The following FAM227A variants were observed in gnomAD, a reference collection of about 807,000 sequenced individuals.
FAM227A encodes protein FAM227A.
In FAM227A, 80 loss-of-function variants were observed where a neutral mutation model predicts 74.7. The observed-to-expected ratio is 1.07, with a 90% confidence interval of 0.89 to 1.29. The LOEUF (loss-of-function observed/expected upper bound fraction) is 1.29, where lower values mean the gene tolerates loss of function less well. Ranked by LOEUF, FAM227A falls within the 50% of genes most tolerant of loss-of-function variation. The pLI is 0.00. For synonymous variants in FAM227A, 237 were observed against 241.8 expected (o/e 0.98, Z 0.19); for missense variants, 654 against 683.4 (o/e 0.96, Z 0.48).
intron 11 of FAM227A, among the ~76,000 whole-genome samples, chr22:38,609,281 C>T (rs917455983): frequency 3.9e-5 from 6 of 152,142 alleles, no homozygotes; most frequent in Admixed American, 2.6e-4. Flanking sequence ...CCACACGTAG[C>T]GGTAGGGGAG....
chr22:38,623,660 G>C (rs981299671), intron 9 of FAM227A, among the ~76,000 whole-genome samples: 4 of 152,176 alleles, frequency 2.6e-5, no homozygotes, highest in Non-Finnish European at 5.9e-5. Context: ...AGGTGTGTGA[G>C]TCCCTGACAT....
chr22:38,647,265 G>A (rs2092256447), intron 2 of FAM227A, among the ~76,000 whole-genome samples: 1 of 152,106 alleles, frequency 6.6e-6, no homozygotes, highest in African/African-American at 2.4e-5. Context: ...AGGAGTTCGA[G>A]ACTAGCCTGG....
Position 38,623,265 on chromosome 22 carries a change from G to A in FAM227A, c.865C>T (p.Pro289Ser). The change falls in exon 10 of 17, where the codon CCA becomes TCA. Residue 289 changes from proline (P) to serine (S), a missense_variant. Physicochemically the swap from Pro to Ser is moderately conservative, Grantham distance 74. Coordinates refer to ENST00000535113, the MANE Select transcript of FAM227A (RefSeq NM_001013647.2). Reference sequence around the variant, plus strand: ...TAGTCCCAGCTGTCATAGCTCTGTGGGCTAGGATAGGTGCCTAAGGGAGGA... The same window carrying A: ...TAGTCCCAGCTGTCATAGCTCTGTGAGCTAGGATAGGTGCCTAAGGGAGGA... ...SLWISGTYPS[P>S]QSYDSWDYSE... 9.7e-6 allele frequency: 15 copies of A among 1,551,124 alleles called. No homozygotes were observed. Among genetic ancestry groups the A allele is most frequent in the Non-Finnish European group, 1.3e-5 (15 of 1,146,516 alleles).
At chr22:38,589,202 C>T (rs1398347477) in intron 16 of FAM227A, among the ~76,000 whole-genome samples, 2 of 152,058 alleles carry the variant, frequency 1.3e-5, no homozygotes, top group Non-Finnish European at 2.9e-5. Context: ...CCTCTACAAG[C>T]CAAGGACAGC....
rs1165890437 is a variant in FAM227A at position 38,646,248 on chromosome 22, C to CTT, written c.143-605_143-604dup. ...CTTGGGAATTTTCCTTCCAGTATTT[C>CTT]TTTTTTTTTTTTTTTTTTTTTTTTT... On this transcript the variant is annotated intron_variant, in intron 2 of 16. Transcript: ENST00000535113. Among the ~76,000 whole-genome samples the CTT allele has an allele frequency of 1.8e-3, 146 of 82,396 alleles. 9 individuals carry two copies. The highest frequency in any genetic ancestry group is 2.8e-3 in the African/African-American group (53 of 19,026). The allele number at this position is 82,396 out of a possible 152,430, so 54.1% of individuals were successfully genotyped here.
intron 1 of FAM227A, among the ~76,000 whole-genome samples, chr22:38,652,224 A>C (rs889263896): frequency 1.3e-5 from 2 of 152,000 alleles, no homozygotes; most frequent in Non-Finnish European, 2.9e-5. Flanking sequence ...GATGCTTCTC[A>C]GAAGAGGCGA....
At position 38,620,550 on chromosome 22, in the gene FAM227A, TC is replaced by T. The variant is rs2091666178; in HGVS notation, c.959-260del. On this transcript the variant is annotated intron_variant, in intron 10 of 16. Coordinates refer to ENST00000535113, the MANE Select transcript of FAM227A (RefSeq NM_001013647.2). Reference sequence around the variant, plus strand: ...CCGGCGCGGTGGCTCACGCCTGTAATCCCAGCACTTTGGGAGGCCGAGGCGG... The same window carrying T: ...CCGGCGCGGTGGCTCACGCCTGTAATCCAGCACTTTGGGAGGCCGAGGCGG... Among the ~76,000 whole-genome samples, 3 of 152,150 alleles carry T rather than the reference TC, an allele frequency of 2.0e-5. No individual in the cohort carries two copies. In the South Asian group the frequency reaches 6.2e-4, roughly 32 times the overall value.
intron 8 of FAM227A, among the ~76,000 whole-genome samples, chr22:38,626,913 T>TATATATATATATATATAC (rs34078214): frequency 1.6e-4 from 14 of 89,826 alleles, no homozygotes; most frequent in Non-Finnish European, 3.0e-4. Context: ...TATATATATA[T>TATATATATATATATATAC]ACACGTATAT....
chr22:38,647,484 AAT>A (rs1416725564), intron 2 of FAM227A, among the ~76,000 whole-genome samples: 3 of 152,112 alleles, frequency 2.0e-5, no homozygotes, highest in African/African-American at 7.2e-5. Flanking sequence ...AAAAAAGAAA[AAT>A]AAATAATGCT....
intron 11 of FAM227A, among the ~76,000 whole-genome samples, chr22:38,614,192 T>C (rs2091527884): frequency 6.6e-6 from 1 of 152,190 alleles, no homozygotes; most frequent in Non-Finnish European, 1.5e-5. Context: ...AGAGTTGAGC[T>C]ACTGTGCAAA....
At chr22:38,647,299 T>C (rs1431288112) in intron 2 of FAM227A, among the ~76,000 whole-genome samples, 1 of 151,974 alleles carries the variant, frequency 6.6e-6, no homozygotes, top group Non-Finnish European at 1.5e-5. Context: ...ATCCCGTCTC[T>C]ACTAAAAATA....
chr22:38,607,176 CAAAAAAAA>C (rs528873313), intron 12 of FAM227A, among the ~76,000 whole-genome samples: 1 of 55,678 alleles, frequency 1.8e-5, no homozygotes, highest in African/African-American at 6.0e-5. Context: ...GACTTCATCT[CAAAAAAAA>C]AAAAAAAAAA....
rs1016106624 is a variant in FAM227A at position 38,630,088 on chromosome 22, G to A, written c.520-1153C>T. On this transcript the variant is annotated intron_variant, in intron 6 of 16. Transcript: ENST00000535113. The stretch of plus-strand genomic sequence containing the variant: ...TGCCTCTCCTTTACCATCAGGAAGC[G>A]TGCCTCTTCTTTAACCATCACTCAC... Among the ~76,000 whole-genome samples the A allele has an allele frequency of 3.0e-5, 4 of 135,190 alleles. No homozygotes were observed. The Admixed American group carries it at 3.1e-4, about 10-fold the overall frequency. 88.7% of individuals were successfully genotyped at this position (135,190 alleles called of 152,430 possible).
At chr22:38,610,691 A>T (rs2091394303) in intron 11 of FAM227A, among the ~76,000 whole-genome samples, 1 of 152,192 alleles carries the variant, frequency 6.6e-6, no homozygotes, top group Non-Finnish European at 1.5e-5. Flanking sequence ...GCGAAACTGC[A>T]TCTCAAAAAT....
chr22:38,603,349 G>T (rs968311403), intron 13 of FAM227A, among the ~76,000 whole-genome samples: 1 of 151,984 alleles, frequency 6.6e-6, no homozygotes, highest in Non-Finnish European at 1.5e-5. Flanking sequence ...TTAGCTGGGC[G>T]TGGTGGCACA....
chr22:38,631,259 C>T (rs1373487707), intron 6 of FAM227A, among the ~76,000 whole-genome samples: 1 of 147,924 alleles, frequency 6.8e-6, no homozygotes, highest in Non-Finnish European at 1.5e-5. Flanking sequence ...GAGCTGGAGG[C>T]ACTATCCTAA....
intron 7 of FAM227A, 131 bp downstream of exon 7, chr22:38,628,703 T>C: frequency 1.5e-6 from 1 of 683,568 alleles, no homozygotes; most frequent in Non-Finnish European, 2.6e-6. Context: ...GGGAGGGGAC[T>C]GGGTGACAGG....
chr22:38,654,461 A>G (rs2092362641), intron 1 of FAM227A, among the ~76,000 whole-genome samples: 2 of 152,142 alleles, frequency 1.3e-5, no homozygotes, highest in South Asian at 2.1e-4. Context: ...CTGGCCATCA[A>G]AATAGCACTA....
chr22:38,597,560 G>T (rs575278817), intron 14 of FAM227A, among the ~76,000 whole-genome samples: 1 of 152,294 alleles, frequency 6.6e-6, no homozygotes, highest in East Asian at 1.9e-4. Context: ...GAGGGAAGAG[G>T]CCATCCTATC....
Sources: allele counts gnomAD v4.1 joint callset (sites outside exome capture counted in the v4.1 genomes callset), GRCh38; gene constraint gnomAD v4.1.1; transcripts MANE v1.5; gene names NCBI Gene and HGNC (gene_info 2026-07-23, HGNC 2026-07-21).